The following INSL6 variants were observed in gnomAD, a reference collection of about 807,000 sequenced individuals.
INSL6 encodes the protein insulin-like peptide INSL6.
In INSL6, 16 loss-of-function variants were observed where a neutral mutation model predicts 9.4. That is an observed-to-expected ratio of 1.70 (90% CI 1.15 to 2.59). The LOEUF (loss-of-function observed/expected upper bound fraction) is 2.59, where lower values mean the gene tolerates loss of function less well. Ranked by LOEUF, INSL6 falls within the 30% of genes most tolerant of loss-of-function variation. The pLI is 0.00. For missense variants in INSL6, 391 were observed against 257.3 expected (o/e 1.52, Z -3.56); for synonymous variants, 154 against 96.9 (o/e 1.59, Z -3.46).
chr9:5,089,740 G>A, the INSL6 span: 2 of 1,580,394 alleles, frequency 1.3e-6, no homozygotes, highest in East Asian at 2.4e-5. Flanking sequence ...GGAGGTGGTC[G>A]CTGTAAAAAA....
the INSL6 span, among the ~76,000 whole-genome samples, chr9:5,038,595 GATT>G: frequency 2.3e-5 from 2 of 87,446 alleles, no homozygotes; most frequent in African/African-American, 1.5e-4. Context: ...TTGGATTTTA[GATT>G]TTTTTTTTTT....
intron 2 of INSL6, among the ~76,000 whole-genome samples, chr9:5,139,111 C>T (rs567991798): frequency 1.3e-5 from 2 of 151,996 alleles, no homozygotes; most frequent in Non-Finnish European, 2.9e-5. Flanking sequence ...CTAATAATGC[C>T]AAATAAAGGT....
the INSL6 span, among the ~76,000 whole-genome samples, chr9:5,102,863 C>T: frequency 6.6e-6 from 1 of 152,064 alleles, no homozygotes; most frequent in Admixed American, 6.6e-5. Context: ...TTGTCATTAC[C>T]AGGCCTGCCT....
chr9:5,158,460 G>C (rs925435023), intron 2 of INSL6, among the ~76,000 whole-genome samples: 18 of 152,128 alleles, frequency 1.2e-4, no homozygotes, highest in Admixed American at 3.3e-4. Flanking sequence ...GATAAAGAAA[G>C]GGTCCTAAAA....
the INSL6 span, among the ~76,000 whole-genome samples, chr9:5,008,765 C>G: frequency 4.6e-5 from 7 of 152,150 alleles, no homozygotes; most frequent in Non-Finnish European, 8.8e-5. Context: ...AACATGAACC[C>G]AGCATCTTTA....
downstream of INSL6, among the ~76,000 whole-genome samples, chr9:5,161,284 G>C (rs750713402): frequency 5.9e-5 from 9 of 152,152 alleles, no homozygotes; most frequent in Non-Finnish European, 1.0e-4. Flanking sequence ...TTCAACATTT[G>C]CAAGTCAATC....
the INSL6 span, among the ~76,000 whole-genome samples, chr9:5,064,329 A>AG: frequency 7.2e-5 from 11 of 152,198 alleles, no homozygotes; most frequent in African/African-American, 1.2e-4. Context: ...CAGGAGTTGG[A>AG]GACCAGCCTG....
the INSL6 span, chr9:5,110,662 C>A: frequency 2.1e-5 from 5 of 240,914 alleles, no homozygotes; most frequent in Admixed American, 5.2e-5. Context: ...ACCACAAATA[C>A]TGTCATATAC....
At chr9:5,016,943 A>G in the INSL6 span, among the ~76,000 whole-genome samples, 2 of 152,248 alleles carry the variant, frequency 1.3e-5, no homozygotes, top group Admixed American at 6.5e-5. Flanking sequence ...AGAATAGAAA[A>G]AAGACATGAA....
At chr9:5,085,818 G>A in the INSL6 span, 13 of 758,796 alleles carry the variant, frequency 1.7e-5, no homozygotes, top group South Asian at 1.8e-4. Context: ...CACAATAATT[G>A]ATCGAAAGGC....
chr9:5,076,731 C>T, the INSL6 span, among the ~76,000 whole-genome samples: 3 of 151,872 alleles, frequency 2.0e-5, no homozygotes, highest in African/African-American at 7.3e-5. Flanking sequence ...TATATAATTC[C>T]CTATTTTCCA....
chr9:5,069,188 G>T, the INSL6 span: 1 of 1,606,172 alleles, frequency 6.2e-7, no homozygotes, highest in South Asian at 1.1e-5. Context: ...TTTACTAAAT[G>T]CTGTCCCCCA....
chr9:5,152,446 A>C (rs1031308101), intron 2 of INSL6, among the ~76,000 whole-genome samples: 1 of 152,212 alleles, frequency 6.6e-6, no homozygotes, highest in Non-Finnish European at 1.5e-5. Flanking sequence ...AAACAAACCT[A>C]TATAACCCAT....
the INSL6 span, among the ~76,000 whole-genome samples, chr9:5,107,559 T>C: frequency 6.6e-6 from 1 of 152,160 alleles, no homozygotes; most frequent in African/African-American, 2.4e-5. Flanking sequence ...AAGGGTTAGA[T>C]TGAATTGAAT....
chr9:5,147,576 C>G (rs1458035525), intron 2 of INSL6, among the ~76,000 whole-genome samples: 1 of 152,128 alleles, frequency 6.6e-6, no homozygotes, highest in African/African-American at 2.4e-5. Context: ...CTGGAGTTCT[C>G]TGTATTTCTT....
chr9:5,000,637 T>G, the INSL6 span, among the ~76,000 whole-genome samples: 1 of 152,154 alleles, frequency 6.6e-6, no homozygotes, highest in Non-Finnish European at 1.5e-5. Flanking sequence ...TCATGGCCAA[T>G]TTTTATAAAT....
At chr9:5,111,457 G>T in the INSL6 span, 1 of 387,424 alleles carries the variant, frequency 2.6e-6, no homozygotes. Context: ...TTCCATCCTC[G>T]GCGTACCTGC....
At chr9:5,004,602 GTGTAGATAT>G in the INSL6 span, among the ~76,000 whole-genome samples, 1 of 152,166 alleles carries the variant, frequency 6.6e-6, no homozygotes, top group Non-Finnish European at 1.5e-5. Context: ...GAGCATGGGA[GTGTAGATAT>G]TGCTTTGACA....
the INSL6 span, chr9:5,108,585 G>A: frequency 4.6e-5 from 7 of 151,958 alleles, no homozygotes; most frequent in Non-Finnish European, 1.5e-5. Flanking sequence ...AGCCCATGTA[G>A]AAGCCCCTAT....
Sources: gnomAD v4.1 joint callset for allele counts (sites outside exome capture counted in the v4.1 genomes callset) on GRCh38, gnomAD v4.1.1 for gene constraint, MANE v1.5 for transcripts, NCBI Gene and HGNC (gene_info 2026-07-23, HGNC 2026-07-21) for gene names.